PAH: variants seen among roughly 807,000 people sequenced by gnomAD.
PAH encodes phenylalanine hydroxylase, also known as phenylalanine-4-hydroxylase.
Under a neutral mutation model 62.0 loss-of-function variants are expected in PAH, and 64 were observed. The observed-to-expected ratio is 1.03, with a 90% CI of 0.84 to 1.27. The LOEUF (loss-of-function observed/expected upper bound fraction) is 1.27. PAH is among the 50% of genes most tolerant of loss of function. PAH has a pLI of 0.00. For synonymous variants in PAH, 195 were observed against 196.2 expected, an observed-to-expected ratio of 0.99 and a Z score of 0.05; for missense variants, 579 against 542.8, an observed-to-expected ratio of 1.07 and a Z score of -0.66.
At chr12:102,953,563 C>A (rs1218079314), upstream of PAH, 4 of 152,212 alleles carry the variant, frequency 2.6e-5, no homozygotes, top group South Asian at 2.1e-4. Flanking sequence ...GGGCAGCAGA[C>A]CCCTTTGGCC....
At chr12:102,952,745 T>G (rs1264443165), upstream of PAH, among the ~76,000 whole-genome samples, 1 of 152,228 alleles carries the variant, frequency 6.6e-6, no homozygotes, top group Non-Finnish European at 1.5e-5. Context: ...TAGTTTGTGC[T>G]TTTTTTGTTT....
chr12:102,940,765 C>T (rs187392690), intron 1 of PAH, among the ~76,000 whole-genome samples: 50 of 152,250 alleles, frequency 3.3e-4, no homozygotes, highest in African/African-American at 1.2e-3. Context: ...ATATCGTCCA[C>T]AAAAATTTTC....
intron 3 of PAH, among the ~76,000 whole-genome samples, chr12:102,892,422 T>C (rs1403053): frequency 0.38 from 57,603 of 152,102 alleles, 12,602 homozygotes; most frequent in African/African-American, 0.59. Flanking sequence ...ACCTCAGCAA[T>C]CACATTCTTA....
rs545309365 is a variant in PAH, at chr12:102,846,282, C to A, written c.969+613G>T. On this transcript the variant is annotated intron_variant, in intron 9 of 12. Transcript: ENST00000553106. ...TTAATAATAGATTTGCACTCATTGG[C>A]AGTCCACAATTCAATTATAAATGTT... 2.0e-5 allele frequency among the ~76,000 whole-genome samples: 3 copies of A among 152,292 alleles called. No individual in the cohort carries two copies. The East Asian group carries it at 5.8e-4, about 29-fold the overall frequency.
intron 2 of PAH, among the ~76,000 whole-genome samples, chr12:102,901,000 T>G (rs538421590): frequency 6.6e-6 from 1 of 152,220 alleles, no homozygotes; most frequent in Non-Finnish European, 1.5e-5. Flanking sequence ...TAATCAGGAT[T>G]CAAACAGAAG....
chr12:102,853,116 G>A (rs1301327905), intron 6 of PAH, 166 bp from the exon 7 acceptor site: 1 of 703,018 alleles, frequency 1.4e-6, no homozygotes, highest in Non-Finnish European at 2.5e-6. Flanking sequence ...CTAGCTAGGT[G>A]ATCTGGATCA....
intron 1 of PAH, chr12:102,950,422 C>G (rs906011518): frequency 6.6e-6 from 1 of 152,288 alleles, no homozygotes; most frequent in African/African-American, 2.4e-5. Context: ...CCCTCGGGGC[C>G]AGCGTCCAGG....
At chr12:102,870,256 C>T (rs927901095) in intron 4 of PAH, among the ~76,000 whole-genome samples, 2 of 152,160 alleles carry the variant, frequency 1.3e-5, no homozygotes, top group Non-Finnish European at 2.9e-5. Flanking sequence ...TAAGGTTAAA[C>T]CTCAGAAGTG....
At chr12:102,903,683 T>C (rs1337486762) in intron 2 of PAH, among the ~76,000 whole-genome samples, 3 of 152,236 alleles carry the variant, frequency 2.0e-5, no homozygotes, top group Admixed American at 2.0e-4. Flanking sequence ...AGGTAAATTC[T>C]GAAGCAGTTT....
intron 5 of PAH, among the ~76,000 whole-genome samples, chr12:102,857,833 AT>A (rs916114557): frequency 3.7e-4 from 57 of 152,330 alleles, no homozygotes; most frequent in African/African-American, 1.3e-3. Flanking sequence ...AGCACTAAAC[AT>A]GGAAAGGAAC....
chr12:102,914,917 A>G (rs1460963472), intron 1 of PAH, among the ~76,000 whole-genome samples: 1 of 152,142 alleles, frequency 6.6e-6, no homozygotes, highest in African/African-American at 2.4e-5. Context: ...TCCCACTGCC[A>G]TCACCTGAAT....
upstream of PAH, among the ~76,000 whole-genome samples, chr12:102,921,780 A>G (rs749628064): frequency 3.3e-5 from 5 of 152,086 alleles, no homozygotes; most frequent in African/African-American, 9.7e-5. Flanking sequence ...CCCACAATCA[A>G]TTGTCTTTTG....
At chr12:102,898,413 AAAAC>A (rs1368652836) in intron 2 of PAH, among the ~76,000 whole-genome samples, 2 of 152,238 alleles carry the variant, frequency 1.3e-5, no homozygotes, top group African/African-American at 4.8e-5. Flanking sequence ...ACACTTTATT[AAAAC>A]AAACAAACAC....
intron 2 of PAH, among the ~76,000 whole-genome samples, chr12:102,897,465 GTATATA>G (rs376902236): frequency 0.019 from 1,818 of 93,972 alleles, 44 homozygotes; most frequent in African/African-American, 0.061. Flanking sequence ...GTGTGTGTGT[GTATATA>G]TATATATATA....
intron 1 of PAH, among the ~76,000 whole-genome samples, chr12:102,915,472 A>G (rs993075557): frequency 1.3e-5 from 2 of 152,226 alleles, no homozygotes; most frequent in African/African-American, 2.4e-5. Flanking sequence ...TCCCTTTGCT[A>G]TGGACATAAT....
intron 1 of PAH, among the ~76,000 whole-genome samples, chr12:102,942,933 C>CTTTTAAATTAAACTTTT (rs1879346303): frequency 6.6e-6 from 1 of 151,640 alleles, no homozygotes; most frequent in Non-Finnish European, 1.5e-5. Context: ...ATTAAAAGAC[C>CTTTTAAATTAAACTTTT]TAAAACTTTA....
At chr12:102,914,976 T>C (rs527250324) in intron 1 of PAH, among the ~76,000 whole-genome samples, 21 of 152,336 alleles carry the variant, frequency 1.4e-4, no homozygotes, top group Admixed American at 1.4e-3. Flanking sequence ...TTTACTCTTG[T>C]CCTTCTATTT....
At chr12:102,859,547 T>C (rs1443003382) in intron 5 of PAH, among the ~76,000 whole-genome samples, 2 of 152,226 alleles carry the variant, frequency 1.3e-5, no homozygotes, top group Non-Finnish European at 2.9e-5. Context: ...CCAATATCCC[T>C]GATGAACATC....
At chr12:102,858,340 C>T (rs1875542484) in intron 5 of PAH, among the ~76,000 whole-genome samples, 1 of 152,162 alleles carries the variant, frequency 6.6e-6, no homozygotes, top group African/African-American at 2.4e-5. Flanking sequence ...TCGTTAGAGA[C>T]CTACAAAGAG....
Sources: gnomAD v4.1 joint callset for allele counts (sites outside exome capture counted in the v4.1 genomes callset) on GRCh38, gnomAD v4.1.1 for gene constraint, MANE v1.5 for transcripts, NCBI Gene and HGNC (gene_info 2026-07-23, HGNC 2026-07-21) for gene names.